PPM1L: variants seen among roughly 807,000 people sequenced by gnomAD.
PPM1L encodes protein phosphatase, Mg2+/Mn2+ dependent 1L, also known as protein phosphatase 1L.
Under a neutral mutation model 31.4 loss-of-function variants are expected in PPM1L, and 13 were observed. That is an observed-to-expected ratio of 0.41 (90% CI 0.27 to 0.66). The LOEUF (loss-of-function observed/expected upper bound fraction) is 0.66. Ranked by LOEUF, PPM1L falls within the 30% of genes least tolerant of loss-of-function variation. The pLI is 0.29. For synonymous variants in PPM1L, 184 were observed against 175.4 expected, an observed-to-expected ratio of 1.05 and a Z score of -0.39; for missense variants, 326 against 453.7, an observed-to-expected ratio of 0.72 and a Z score of 2.56.
chr3:161,038,095 G>A lies in PPM1L; in HGVS notation c.575-27308G>A, dbSNP rs559354746. 4.2e-4 allele frequency among the ~76,000 whole-genome samples: 63 copies of A among 151,466 alleles called. 1 individual carries two copies. In the South Asian group the frequency reaches 0.01, roughly 25 times the overall value. On this transcript the variant is annotated intron_variant, in intron 2 of 3. Transcript: ENST00000498165. Reference sequence around the variant, plus strand: ...AAAAAATACGAAAAATTAGCCGGGCGTAGTGGCGGGCGCCTGTAGTCCCAG... The same window carrying A: ...AAAAAATACGAAAAATTAGCCGGGCATAGTGGCGGGCGCCTGTAGTCCCAG...
At chr3:160,832,126 G>A (rs1713540959) in intron 1 of PPM1L, among the ~76,000 whole-genome samples, 2 of 152,110 alleles carry the variant, frequency 1.3e-5, no homozygotes, top group African/African-American at 4.8e-5. Context: ...TTTTATTCAG[G>A]GAGCTCACAG....
At chr3:160,981,783 G>A (rs1716809523) in intron 2 of PPM1L, among the ~76,000 whole-genome samples, 1 of 92,902 alleles carries the variant, frequency 1.1e-5, no homozygotes. Flanking sequence ...TTTTTATTGA[G>A]ATGGAGTCTC....
rs367919489 is a variant in PPM1L, at chr3:160,825,393, A to T, written c.399+68686A>T. ...ATATTAGACCATTTTGACCTAAAAA[A>T]GTGTCATTTTCTTATGGTCTCACTT... On this transcript the variant is annotated intron_variant, in intron 1 of 3. Coordinates refer to ENST00000498165, the MANE Select transcript of PPM1L (RefSeq NM_139245.4). Among the ~76,000 whole-genome samples the T allele has an allele frequency of 9.2e-5, 14 of 152,278 alleles. 1 individual carries two copies. The highest frequency in any genetic ancestry group is 3.1e-4 in the African/African-American group (13 of 41,570).
intron 1 of PPM1L, among the ~76,000 whole-genome samples, chr3:160,879,930 GAGATGAT>G (rs1712649174): frequency 6.6e-6 from 1 of 152,158 alleles, no homozygotes; most frequent in African/African-American, 2.4e-5. Flanking sequence ...GCCGTGTGTT[GAGATGAT>G]GCTTCCTTTC....
At chr3:160,900,227 C>T (rs1265214409) in intron 1 of PPM1L, among the ~76,000 whole-genome samples, 1 of 152,000 alleles carries the variant, frequency 6.6e-6, no homozygotes, top group African/African-American at 2.4e-5. Context: ...TAACAGGTTT[C>T]TACTCCATCA....
At chr3:161,005,815 G>A (rs1425705451) in intron 2 of PPM1L, among the ~76,000 whole-genome samples, 1 of 152,056 alleles carries the variant, frequency 6.6e-6, no homozygotes, top group African/African-American at 2.4e-5. Flanking sequence ...AAATGAGTCA[G>A]AAATTAAATT....
At chr3:160,891,996 G>C (rs951195303) in intron 1 of PPM1L, among the ~76,000 whole-genome samples, 4 of 152,106 alleles carry the variant, frequency 2.6e-5, no homozygotes, top group Non-Finnish European at 5.9e-5. Context: ...GGGCCTGTCA[G>C]GGGGTGGAGG....
At chr3:160,935,936 ATTGTGGGCAGGC>A (rs1229556057) in intron 1 of PPM1L, among the ~76,000 whole-genome samples, 1 of 152,138 alleles carries the variant, frequency 6.6e-6, no homozygotes, top group Non-Finnish European at 1.5e-5. Context: ...CCTGCATCTG[ATTGTGGGCAGGC>A]CCTGCAGAAG....
chr3:160,977,162 T>C (rs1284327411), intron 2 of PPM1L, among the ~76,000 whole-genome samples: 2 of 152,226 alleles, frequency 1.3e-5, no homozygotes, highest in African/African-American at 4.8e-5. Flanking sequence ...AGAGGAATTA[T>C]CTTTGTGTTT....
intron 1 of PPM1L, among the ~76,000 whole-genome samples, chr3:160,958,578 GA>G (rs772274922): frequency 5.9e-5 from 9 of 152,104 alleles, no homozygotes; most frequent in Non-Finnish European, 1.3e-4. Flanking sequence ...CAGTGTCAGG[GA>G]AAAAATGTTA....
intron 2 of PPM1L, among the ~76,000 whole-genome samples, chr3:161,047,437 G>A (rs1334371708): frequency 6.6e-6 from 1 of 152,054 alleles, no homozygotes. Context: ...AAATAAAAGA[G>A]GTTACAAACA....
At chr3:161,011,343 T>G (rs1717887638) in intron 2 of PPM1L, among the ~76,000 whole-genome samples, 2 of 152,240 alleles carry the variant, frequency 1.3e-5, no homozygotes, top group Middle Eastern at 3.2e-3. Flanking sequence ...GTGGTATTAT[T>G]TCTGAGAGCT....
intron 1 of PPM1L, among the ~76,000 whole-genome samples, chr3:160,841,166 C>T (rs76486652): frequency 0.038 from 5,766 of 151,778 alleles, 140 homozygotes; most frequent in Middle Eastern, 0.068. Context: ...TGCCAGAGTC[C>T]AAGACTTTTT....
At chr3:161,016,538 G>A (rs1233225127) in intron 2 of PPM1L, among the ~76,000 whole-genome samples, 1 of 152,158 alleles carries the variant, frequency 6.6e-6, no homozygotes, top group Admixed American at 6.5e-5. Context: ...GATTTCACAC[G>A]CTCACAGGAC....
intron 1 of PPM1L, among the ~76,000 whole-genome samples, chr3:160,771,644 G>A (rs114815746): frequency 0.017 from 2,449 of 143,288 alleles, 60 homozygotes; most frequent in African/African-American, 0.06. Flanking sequence ...TTAAAGATAC[G>A]AAGCAGAATA....
chr3:161,061,661 A>G (rs1035801884), intron 2 of PPM1L, among the ~76,000 whole-genome samples: 15 of 152,356 alleles, frequency 9.8e-5, no homozygotes, highest in Non-Finnish European at 1.3e-4. Flanking sequence ...TCTAGAGATG[A>G]CTTAAAGTAT....
At position 160,856,335 on chromosome 3, in the gene PPM1L, C is replaced by T. The variant is rs1288229986; in HGVS notation, c.399+99628C>T. ...TTGGTAAACCCAAAGGAATATAAACCGTTCGAAGATACATGCATTCATATG... is the reference window on the plus strand; with the variant it reads ...TTGGTAAACCCAAAGGAATATAAACTGTTCGAAGATACATGCATTCATATG... On this transcript the variant is annotated intron_variant, in intron 1 of 3. Coordinates refer to ENST00000498165, the MANE Select transcript of PPM1L (RefSeq NM_139245.4). Among the ~76,000 whole-genome samples, 7 of 152,066 alleles carry T rather than the reference C, an allele frequency of 4.6e-5. No homozygotes were observed. In the East Asian group the frequency reaches 5.8e-4, roughly 13 times the overall value.
In PPM1L at chr3:160,989,485, A is replaced by G. The variant is rs1717063205; in HGVS notation, c.574+27575A>G. Among the ~76,000 whole-genome samples, 4 of 151,668 alleles carry G rather than the reference A, an allele frequency of 2.6e-5. No homozygotes were observed. In the Middle Eastern group the frequency reaches 0.01, roughly 387 times the overall value. On this transcript the variant is annotated intron_variant, in intron 2 of 3. Transcript: ENST00000498165. ...AATGCTGCGATCTTGGCTCACTGCA[A>G]CCTCTGCCTCCCAGGTTCCAGTGAT...
chr3:160,945,040 A>ATGTATAT (rs1491449465), intron 1 of PPM1L, among the ~76,000 whole-genome samples: 2 of 8,266 alleles, frequency 2.4e-4, no homozygotes, highest in African/African-American at 5.5e-4. Context: ...TATATATAAC[A>ATGTATAT]TATATATTAT....
Sources: allele counts gnomAD v4.1 joint callset (sites outside exome capture counted in the v4.1 genomes callset), GRCh38; gene constraint gnomAD v4.1.1; transcripts MANE v1.5; gene names NCBI Gene and HGNC (gene_info 2026-07-23, HGNC 2026-07-21).